The following TENM3 variants were observed in gnomAD, a reference collection of about 807,000 sequenced individuals.
The protein encoded by TENM3 is teneurin transmembrane protein 3.
TENM3 carries 63 observed loss-of-function variants against 255.1 expected under a neutral mutation model. The observed-to-expected ratio is 0.25, with a 90% CI of 0.20 to 0.30. The LOEUF (loss-of-function observed/expected upper bound fraction) is 0.30. Ranked by LOEUF, TENM3 falls within the 10% of genes least tolerant of loss-of-function variation. The pLI is 1.00. For missense variants in TENM3, 2,929 were observed against 3,461.1 expected, an observed-to-expected ratio of 0.85 and a Z score of 3.86; for synonymous variants, 1,306 against 1,322.3, an observed-to-expected ratio of 0.99 and a Z score of 0.27.
rs185558590 is a variant in TENM3 at position 182,465,306 on chromosome 4, C to T, written c.511+118377C>T. Among the ~76,000 whole-genome samples, 690 of 152,166 alleles carry T rather than the reference C, an allele frequency of 4.5e-3. 3 individuals are homozygous for T. Among genetic ancestry groups the T allele is most frequent in the Non-Finnish European group, 7.6e-3 (514 of 68,004 alleles). ...CTGGGAGGGTATGAGGAGCTTGGAA[C>T]CTTGGGAGGTGATTAGGTCCCGAGG... On this transcript the variant is annotated intron_variant, in intron 3 of 27. Coordinates refer to ENST00000511685, the MANE Select transcript of TENM3 (RefSeq NM_001080477.4).
the TENM3 span, among the ~76,000 whole-genome samples, chr4:181,868,527 C>T: frequency 6.6e-5 from 10 of 152,132 alleles, 1 homozygote; most frequent in East Asian, 3.9e-4. Context: ...AATCGAGGGT[C>T]GCTACTGCTT....
intron 3 of TENM3, among the ~76,000 whole-genome samples, chr4:182,431,028 TAAATAAATAAACAAACAAACAAAC>T (rs1043337118): frequency 2.3e-5 from 2 of 87,876 alleles, no homozygotes; most frequent in Non-Finnish European, 4.7e-5. Flanking sequence ...AATAAATAAA[TAAATAAATAAACAAACAAACAAAC>T]AAACAAATAA....
intron 1 of TENM3, among the ~76,000 whole-genome samples, chr4:182,154,308 G>A (rs1313409277): frequency 6.6e-6 from 1 of 151,958 alleles, no homozygotes; most frequent in Admixed American, 6.6e-5. Context: ...GGGATAGGAA[G>A]CTTTGTGGAT....
At chr4:182,165,254 A>G (rs1334076162) in intron 1 of TENM3, among the ~76,000 whole-genome samples, 1 of 152,136 alleles carries the variant, frequency 6.6e-6, no homozygotes, top group African/African-American at 2.4e-5. Context: ...TACTTATTTC[A>G]TTATTTTCGG....
intron 1 of TENM3, among the ~76,000 whole-genome samples, chr4:182,262,842 C>A (rs367708912): frequency 6.6e-6 from 1 of 151,412 alleles, no homozygotes; most frequent in African/African-American, 2.4e-5. Context: ...GCCTCCCGAG[C>A]AGCTGGGACT....
Position 182,793,006 on chromosome 4 carries a change from G to A in TENM3, c.6334G>A (p.Val2112Ile). Residue 2112 changes from valine to isoleucine, a missense_variant, in exon 26 of 28, where the codon GTA becomes ATA. Physicochemically the swap from Val to Ile is conservative, Grantham distance 29. Coordinates refer to ENST00000511685, the MANE Select transcript of TENM3 (RefSeq NM_001080477.4). This position sits in a 1 kb window ranked among gnomAD's most constrained non-coding sequence, Gnocchi z 5.7. ...AATTCAGTATGATAACATGGGTCGG[G>A]TAACCAAGAGAGAGATTAAAATAGG... ...ITIQYDNMGR[V>I]TKREIKIGPF... 1 of 1,613,882 alleles carries A rather than the reference G, an allele frequency of 6.2e-7. No individual in the cohort carries two copies. The highest frequency in any genetic ancestry group is 2.2e-5 in the East Asian group (1 of 44,878).
At chr4:181,691,183 A>G in the TENM3 span, among the ~76,000 whole-genome samples, 2 of 151,930 alleles carry the variant, frequency 1.3e-5, no homozygotes, top group Non-Finnish European at 1.5e-5. Flanking sequence ...AAAATCAAAG[A>G]TAATTGTACT....
chr4:182,341,532 T>A (rs1349617958), intron 2 of TENM3, among the ~76,000 whole-genome samples: 8 of 152,190 alleles, frequency 5.3e-5, no homozygotes, highest in Admixed American at 2.6e-4. Flanking sequence ...TGGGTCCAAC[T>A]CATTCTTTAT....
chr4:182,097,456 G>A, the TENM3 span, among the ~76,000 whole-genome samples: 6 of 152,172 alleles, frequency 3.9e-5, no homozygotes, highest in Admixed American at 3.3e-4. Context: ...CCAGCCTACC[G>A]ACCCCTTCTG....
chr4:181,963,222 CAAAT>C, the TENM3 span, among the ~76,000 whole-genome samples: 2 of 152,100 alleles, frequency 1.3e-5, no homozygotes, highest in East Asian at 3.9e-4. Flanking sequence ...TGGCTATAAA[CAAAT>C]AAAATTCAAA....
chr4:181,678,970 C>T, the TENM3 span, among the ~76,000 whole-genome samples: 1 of 151,946 alleles, frequency 6.6e-6, no homozygotes, highest in Non-Finnish European at 1.5e-5. Context: ...CTTATTCCAA[C>T]ACGTCTGTTA....
At chr4:181,536,830 T>A in the TENM3 span, among the ~76,000 whole-genome samples, 2 of 152,214 alleles carry the variant, frequency 1.3e-5, no homozygotes, top group Non-Finnish European at 2.9e-5. Context: ...TTCCCTTGGC[T>A]TTAAAAAGGC....
chr4:182,176,871 C>T (rs1752526998), intron 1 of TENM3, among the ~76,000 whole-genome samples: 1 of 124,346 alleles, frequency 8.0e-6, no homozygotes, highest in African/African-American at 3.0e-5. Context: ...GATGAGGTTT[C>T]ACCATGTTGG....
intron 3 of TENM3, among the ~76,000 whole-genome samples, chr4:182,474,828 C>T (rs778029851): frequency 6.6e-6 from 1 of 152,058 alleles, no homozygotes; most frequent in Non-Finnish European, 1.5e-5. Context: ...GTATCCCCTT[C>T]TTTTTAATTG....
chr4:182,652,789 CA>C (rs559141560), intron 5 of TENM3, among the ~76,000 whole-genome samples: 4,277 of 151,724 alleles, frequency 0.028, 106 homozygotes, highest in Non-Finnish European at 0.038. Context: ...CTAAAAATAT[CA>C]AAAAAAAGTT....
the TENM3 span, among the ~76,000 whole-genome samples, chr4:181,674,830 T>C: frequency 1.2e-4 from 18 of 152,180 alleles, no homozygotes; most frequent in East Asian, 3.3e-3. Context: ...ACAGAATTTT[T>C]GTGTAGAAAT....
At chr4:182,478,090 G>T (rs1733847871) in intron 3 of TENM3, among the ~76,000 whole-genome samples, 2 of 152,014 alleles carry the variant, frequency 1.3e-5, no homozygotes, top group East Asian at 3.8e-4. Flanking sequence ...ACTTGTTTCT[G>T]TGGAACTTAA....
At chr4:182,621,774 T>TAATATATA (rs1750269949) in intron 4 of TENM3, among the ~76,000 whole-genome samples, 1 of 61,750 alleles carries the variant, frequency 1.6e-5, no homozygotes, top group Non-Finnish European at 3.1e-5. Flanking sequence ...AATTATATAT[T>TAATATATA]ATATATAATT....
chr4:182,386,764 C>T (rs919700148), intron 3 of TENM3, among the ~76,000 whole-genome samples: 16 of 152,236 alleles, frequency 1.1e-4, no homozygotes, highest in African/African-American at 3.4e-4. Flanking sequence ...CTCGATTTCT[C>T]GCCGGGCCTT....
Sources: gnomAD v4.1 joint callset for allele counts (sites outside exome capture counted in the v4.1 genomes callset) on GRCh38, gnomAD v4.1.1 for gene constraint, Gnocchi (gnomAD v3.1) non-coding constraint, MANE v1.5 for transcripts, NCBI Gene and HGNC (gene_info 2026-07-23, HGNC 2026-07-21) for gene names.